Variants in CAMK2A observed in about 807,000 individuals in gnomAD.
CAMK2A encodes the protein calcium/calmodulin dependent protein kinase II alpha.
In CAMK2A, 7 loss-of-function variants were observed where a neutral mutation model predicts 79.2. The ratio of observed to expected loss-of-function variants is 0.09; its 90% CI spans 0.05 to 0.17. The LOEUF (loss-of-function observed/expected upper bound fraction) is 0.17, where lower values mean the gene tolerates loss of function less well. CAMK2A is among the 10% of genes least tolerant of loss of function. The pLI is 1.00. For missense variants in CAMK2A, 214 were observed against 646.4 expected (o/e 0.33, Z 7.25); for synonymous variants, 242 against 251.7 (o/e 0.96, Z 0.36).
At chr5:150,238,652 C>A (rs767052088) in intron 15 of CAMK2A, 48 bp downstream of exon 15, 1 of 1,541,834 alleles carries the variant, frequency 6.5e-7, no homozygotes, top group South Asian at 1.2e-5. Context: ...CTGCTCAGAG[C>A]TGGTTCCAGA....
chr5:150,224,368 G>A (rs911382680), intron 17 of CAMK2A, among the ~76,000 whole-genome samples: 22 of 152,038 alleles, frequency 1.4e-4, no homozygotes, highest in Admixed American at 2.6e-4. Flanking sequence ...CACCCTTAGA[G>A]AGCCCAGTTC....
intron 1 of CAMK2A, among the ~76,000 whole-genome samples, chr5:150,283,979 C>T (rs1277248172): frequency 1.3e-5 from 2 of 152,178 alleles, no homozygotes; most frequent in Non-Finnish European, 2.9e-5. Flanking sequence ...CCATGCCACA[C>T]GAGGACCTAG....
At chr5:150,239,351 C>T (rs1456456572) in intron 14 of CAMK2A, among the ~76,000 whole-genome samples, 2 of 152,112 alleles carry the variant, frequency 1.3e-5, no homozygotes, top group African/African-American at 2.4e-5. Context: ...GCCCCACCCT[C>T]GCCGCGATTG....
At chr5:150,248,364 C>T (rs1439924847) in intron 11 of CAMK2A, among the ~76,000 whole-genome samples, 3 of 147,736 alleles carry the variant, frequency 2.0e-5, no homozygotes, top group Non-Finnish European at 3.0e-5. Context: ...ACTTTAAGTT[C>T]TAGGGTACAT....
chr5:150,226,566 G>A (rs149222483), intron 17 of CAMK2A, among the ~76,000 whole-genome samples: 8,120 of 151,468 alleles, frequency 0.054, 727 homozygotes, highest in African/African-American at 0.18. Context: ...GTGAAACCCC[G>A]TCTCCACTAA....
chr5:150,247,636 G>T, intron 12 of CAMK2A, 136 bp downstream of exon 12: 1 of 668,262 alleles, frequency 1.5e-6, no homozygotes, highest in Non-Finnish European at 2.6e-6. Flanking sequence ...GGTGAGCTAA[G>T]CCCTTAGTCA....
chr5:150,276,472 G>T (rs1423446982), intron 1 of CAMK2A, among the ~76,000 whole-genome samples: 1 of 152,178 alleles, frequency 6.6e-6, no homozygotes, highest in African/African-American at 2.4e-5. Context: ...TGGGGTGTTA[G>T]GAATAGGAAC....
chr5:150,232,208 G>A (rs1006478900), intron 15 of CAMK2A, among the ~76,000 whole-genome samples: 3 of 152,230 alleles, frequency 2.0e-5, no homozygotes, highest in Admixed American at 6.5e-5. Flanking sequence ...TGACTGTCCA[G>A]GTCCTCAAGC....
chr5:150,255,437 C>T (rs1237797179), intron 6 of CAMK2A, among the ~76,000 whole-genome samples: 2 of 152,246 alleles, frequency 1.3e-5, no homozygotes, highest in African/African-American at 4.8e-5. Flanking sequence ...CAGGATGAGG[C>T]TGGCCTGAAA....
intron 15 of CAMK2A, chr5:150,238,488 C>T (rs1755186435): frequency 1.6e-6 from 1 of 612,014 alleles, no homozygotes; most frequent in African/African-American, 1.9e-5. Context: ...ATAAGAAAAC[C>T]TATCTACACA....
chr5:150,250,313 G>A lies in CAMK2A; in HGVS notation c.817-4C>T, dbSNP rs1402918162. ...AGGATGCCACGGTGGAGCGGTGCTG[G>A]AGGAAGTAGGGGAGAGGGCTGTGAG... On this transcript the variant is annotated splice_region_variant and splice_polypyrimidine_tract_variant and intron_variant, in intron 10 of 18. Coordinates refer to ENST00000671881, the MANE Select transcript of CAMK2A (RefSeq NM_015981.4). 6.2e-7 allele frequency: 1 copy of A among 1,613,360 alleles called. No individual in the cohort carries two copies. The highest frequency in any genetic ancestry group is 1.3e-5 in the African/African-American group (1 of 75,044).
At chr5:150,277,818 A>T (rs903193142) in intron 1 of CAMK2A, among the ~76,000 whole-genome samples, 10 of 152,316 alleles carry the variant, frequency 6.6e-5, no homozygotes, top group African/African-American at 2.4e-4. Context: ...ATTCACCACT[A>T]AGCACCCTTT....
intron 9 of CAMK2A, among the ~76,000 whole-genome samples, chr5:150,251,133 T>C (rs1755814108): frequency 6.6e-6 from 1 of 152,256 alleles, no homozygotes; most frequent in African/African-American, 2.4e-5. Flanking sequence ...TCCTGGGCTG[T>C]GTAACCTGGG....
At chr5:150,254,923 G>A (rs1402097061) in intron 6 of CAMK2A, among the ~76,000 whole-genome samples, 1 of 152,162 alleles carries the variant, frequency 6.6e-6, no homozygotes, top group Non-Finnish European at 1.5e-5. Flanking sequence ...AAGACTGTTG[G>A]TTTTGAGTCC....
At chr5:150,232,848 T>C (rs1754905644) in intron 15 of CAMK2A, among the ~76,000 whole-genome samples, 1 of 152,190 alleles carries the variant, frequency 6.6e-6, no homozygotes, top group Non-Finnish European at 1.5e-5. Context: ...AGAAGAACCC[T>C]TGGAGGCCAG....
intron 3 of CAMK2A, among the ~76,000 whole-genome samples, chr5:150,259,908 G>A (rs1292432552): frequency 6.6e-6 from 1 of 152,074 alleles, no homozygotes; most frequent in Non-Finnish European, 1.5e-5. Context: ...GACGGAGGTT[G>A]CAATAAGCCG....
intron 9 of CAMK2A, 112 bp from the exon 10 acceptor site, chr5:150,250,922 G>T (rs532637265): frequency 8.1e-7 from 1 of 1,229,652 alleles, no homozygotes. Flanking sequence ...CCATCCACTC[G>T]GACATCCACA....
chr5:150,274,240 T>C (rs1399517046), intron 1 of CAMK2A, among the ~76,000 whole-genome samples: 5 of 152,206 alleles, frequency 3.3e-5, no homozygotes, highest in Admixed American at 3.3e-4. Context: ...TATTAGTAAT[T>C]ATAAGAGAAC....
intron 2 of CAMK2A, 197 bp from the exon 3 acceptor site, chr5:150,265,212 G>T: frequency 3.5e-6 from 2 of 577,070 alleles, no homozygotes; most frequent in Non-Finnish European, 3.2e-6. Context: ...GGCCTGGGTT[G>T]CAGTGACTCA....
Sources: gnomAD v4.1 joint callset for allele counts (sites outside exome capture counted in the v4.1 genomes callset) on GRCh38, gnomAD v4.1.1 for gene constraint, MANE v1.5 for transcripts, NCBI Gene and HGNC (gene_info 2026-07-23, HGNC 2026-07-21) for gene names.